TJP1: variants seen among roughly 807,000 people sequenced by gnomAD.
The protein encoded by TJP1 is tight junction protein ZO-1.
In TJP1, 43 loss-of-function variants were observed where a neutral mutation model predicts 194.2. That is an observed-to-expected ratio of 0.22 (90% confidence interval 0.17 to 0.29). The LOEUF (loss-of-function observed/expected upper bound fraction) is 0.29, where lower values mean the gene tolerates loss of function less well. TJP1 is among the 10% of genes least tolerant of loss of function. The pLI is 1.00. For missense variants in TJP1, 1,971 were observed against 2,185.7 expected, an observed-to-expected ratio of 0.90 and a Z score of 1.96; for synonymous variants, 801 against 779.0, an observed-to-expected ratio of 1.03 and a Z score of -0.47.
At position 29,761,197 on chromosome 15, in the gene TJP1, G is replaced by T; in HGVS notation, c.952C>A (p.Gln318Lys). 6.2e-7 allele frequency: 1 copy of T among 1,614,068 alleles called. No individual in the cohort carries two copies. Among genetic ancestry groups the T allele is most frequent in the East Asian group, 2.2e-5 (1 of 44,856 alleles). ...PRRSRSRSPDQRSEPSDHSRH... is the reference protein window; with the variant it reads ...PRRSRSRSPDKRSEPSDHSRH... ...GAATGATCAGAAGGCTCTGACCGCT[G>T]GTCAGGAGATCGTGACCGGCTGCGG... Residue 318 changes from glutamine (Q) to lysine (K), a missense_variant, in exon 8 of 28, where the codon CAG (glutamine) becomes AAG (lysine). Physicochemically the swap from Gln to Lys is moderately conservative, Grantham distance 53 (BLOSUM62 1). Around this residue, in one of 5 missense-constraint regions of TJP1, gnomAD observed 192 missense variants for 182.3 expected, o/e 1.05. Transcript: ENST00000614355.
intron 4 of TJP1, among the ~76,000 whole-genome samples, chr15:29,770,240 A>C (rs2046570874): frequency 6.6e-6 from 1 of 152,074 alleles, no homozygotes; most frequent in South Asian, 2.1e-4. Flanking sequence ...TGAGGCCCGG[A>C]GTTCAATACC....
intron 27 of TJP1, 116 bp downstream of exon 27, chr15:29,704,046 G>C: frequency 1.8e-6 from 2 of 1,127,348 alleles, no homozygotes; most frequent in Non-Finnish European, 2.5e-6. Context: ...TGCCTACAAG[G>C]CCACAGGAAC....
At chr15:29,717,981 TG>T (rs1251864400) in intron 22 of TJP1, 39 bp downstream of exon 22, 1 of 1,535,988 alleles carries the variant, frequency 6.5e-7, no homozygotes, top group Non-Finnish European at 8.9e-7. Flanking sequence ...GTTAAATTCC[TG>T]GTCAGTTCTA....
In TJP1 at chr15:29,718,792, C is replaced by G; in HGVS notation, c.3350G>C (p.Arg1117Thr). 1 of 1,614,172 alleles carries G rather than the reference C, an allele frequency of 6.2e-7. No individual in the cohort carries two copies. The highest frequency in any genetic ancestry group is 8.5e-7 in the Non-Finnish European group (1 of 1,180,040). Residue 1117 changes from arginine (R) to threonine (T), a missense_variant, in exon 21 of 28, where the codon AGA becomes ACA. Transcript: ENST00000614355. ...DNQHSQDLDS[R>T]QHPEESSERG... ...TTCTGAGGACTCTTCGGGATGCTGTCTGGAGTCAAGGTCTTGAGAGTGCTG... is the reference window on the plus strand; with the variant it reads ...TTCTGAGGACTCTTCGGGATGCTGTGTGGAGTCAAGGTCTTGAGAGTGCTG...
chr15:29,821,356 T>C (rs1446455855), intron 1 of TJP1: 1 of 152,228 alleles, frequency 6.6e-6, no homozygotes, highest in African/African-American at 2.4e-5. Context: ...TTTGTATTAC[T>C]TGTGAAAGTT....
chr15:29,909,168 AAAAG>A (rs2053934130), intron 2 of TJP1, among the ~76,000 whole-genome samples: 2 of 148,760 alleles, frequency 1.3e-5, no homozygotes, highest in Admixed American at 1.3e-4. Flanking sequence ...AAAAAAAAAA[AAAAG>A]AAAAGAAAAA....
chr15:29,789,377 G>A (rs1166670498), intron 2 of TJP1, among the ~76,000 whole-genome samples: 1 of 152,114 alleles, frequency 6.6e-6, no homozygotes. Flanking sequence ...ACTATCTGAT[G>A]TACATATTCA....
chr15:29,887,542 C>T (rs915306268), intron 2 of TJP1, among the ~76,000 whole-genome samples: 3 of 151,844 alleles, frequency 2.0e-5, no homozygotes, highest in Non-Finnish European at 4.4e-5. Flanking sequence ...CTCAGATGAT[C>T]CGCCCACCTC....
chr15:29,748,160 G>A (rs541306408), intron 8 of TJP1, among the ~76,000 whole-genome samples: 30 of 152,232 alleles, frequency 2.0e-4, no homozygotes, highest in South Asian at 4.1e-4. Context: ...AAAATAAGGC[G>A]AAATCAATTT....
At chr15:29,778,482 T>C (rs556539676) in intron 2 of TJP1, among the ~76,000 whole-genome samples, 1 of 152,114 alleles carries the variant, frequency 6.6e-6, no homozygotes, top group Non-Finnish European at 1.5e-5. Context: ...ACCTTCATAA[T>C]TGTCTTATTT....
intron 2 of TJP1, among the ~76,000 whole-genome samples, chr15:29,920,181 T>G (rs2054311946): frequency 6.6e-6 from 1 of 152,252 alleles, no homozygotes; most frequent in Admixed American, 6.5e-5. Flanking sequence ...CACTGGGGCC[T>G]GCTTCAGAGA....
chr15:29,939,666 C>T (rs1042799934), intron 2 of TJP1, among the ~76,000 whole-genome samples: 1 of 152,184 alleles, frequency 6.6e-6, no homozygotes, highest in African/African-American at 2.4e-5. Context: ...TGTTGAAATC[C>T]TAACCACAAA....
rs534599764 is a variant in TJP1, at chr15:29,800,805, TCA to T, written c.28-105_28-104del. On this transcript the variant is annotated intron_variant, in intron 1 of 27. Coordinates refer to ENST00000614355, the MANE Select transcript of TJP1 (RefSeq NM_001330239.4). Reference sequence around the variant, plus strand: ...ATTCAGCACACTGAAATACCAAAATTCACAGTTAATATTAGAGACACTCTGAA... The same window carrying T: ...ATTCAGCACACTGAAATACCAAAATTCAGTTAATATTAGAGACACTCTGAA... 1.6e-3 allele frequency: 1,775 copies of T among 1,124,860 alleles called. 24 individuals carry two copies. The highest frequency in any genetic ancestry group is 0.013 in the Middle Eastern group (68 of 5,044). 69.7% of individuals were successfully genotyped at this position (1,124,860 alleles called of 1,614,324 possible). A position where few individuals can be genotyped will look rare whatever the true frequency, so the allele number is the denominator to read the frequency against.
chr15:29,872,823 G>A (rs890307497), intron 2 of TJP1, among the ~76,000 whole-genome samples: 5 of 152,162 alleles, frequency 3.3e-5, no homozygotes, highest in South Asian at 4.1e-4. Flanking sequence ...GCAAGAGGTC[G>A]TGCGGCACGT....
At chr15:29,871,983 T>C (rs1176576178) in intron 2 of TJP1, among the ~76,000 whole-genome samples, 2 of 152,218 alleles carry the variant, frequency 1.3e-5, no homozygotes, top group Admixed American at 6.5e-5. Context: ...TTCTGAGGTA[T>C]TTTGAAGGAG....
intron 1 of TJP1, among the ~76,000 whole-genome samples, chr15:29,818,337 CAAT>C (rs1166404249): frequency 3.3e-5 from 5 of 152,232 alleles, no homozygotes; most frequent in African/African-American, 1.2e-4. Context: ...CGTTTCTTAA[CAAT>C]GATTCATACC....
intron 2 of TJP1, among the ~76,000 whole-genome samples, chr15:29,780,884 C>A (rs374886159): frequency 6.6e-6 from 1 of 151,782 alleles, no homozygotes; most frequent in Non-Finnish European, 1.5e-5. Flanking sequence ...ACAATACATA[C>A]GACATTAACA....
intron 1 of TJP1, chr15:29,968,358 G>A: frequency 1.0e-6 from 1 of 985,388 alleles, no homozygotes; most frequent in Non-Finnish European, 1.2e-6. Flanking sequence ...GACAGACAGA[G>A]GCGGGAGGCC....
rs1175961660 is a variant in TJP1 at position 29,705,703 on chromosome 15, A to G, written c.4893T>C (p.Thr1631=). 4.3e-6 allele frequency: 7 copies of G among 1,614,066 alleles called. No individual in the cohort carries two copies. Among genetic ancestry groups the G allele is most frequent in the Admixed American group, 1.7e-5 (1 of 60,006 alleles). Residue 1631 remains threonine, a synonymous_variant, in exon 26 of 28, where the codon ACT becomes ACC. Coordinates refer to ENST00000614355, the MANE Select transcript of TJP1 (RefSeq NM_001330239.4). The part of the protein sequence containing the change: ...VEEDEDEDGH[T]VVATARGIFN... Reference sequence around the variant, plus strand: ...ATATGCCTCGGGCTGTGGCCACCACAGTATGACCATCTTCATCTTCATCCT... The same window carrying G: ...ATATGCCTCGGGCTGTGGCCACCACGGTATGACCATCTTCATCTTCATCCT...
Sources: gnomAD v4.1 joint callset for allele counts (sites outside exome capture counted in the v4.1 genomes callset) on GRCh38, gnomAD v4.1.1 for gene constraint, gnomAD v4.1.1 regional missense constraint, MANE v1.5 for transcripts, NCBI Gene and HGNC (gene_info 2026-07-23, HGNC 2026-07-21) for gene names.